Variants in YEATS2 observed in about 807,000 individuals in gnomAD.
YEATS2 encodes the protein YEATS domain containing 2, also known as YEATS domain-containing protein 2.
Under a neutral mutation model 163.2 loss-of-function variants are expected in YEATS2, and 77 were observed. The observed-to-expected ratio is 0.47, with a 90% confidence interval of 0.39 to 0.57. The LOEUF is 0.57. Among genes scored for constraint, YEATS2 ranks in the 20% least tolerant of loss-of-function variants. YEATS2 has a pLI of 0.00. For missense variants in YEATS2, 1,549 were observed against 1,729.8 expected (o/e 0.90, Z 1.85); for synonymous variants, 631 against 645.1 (o/e 0.98, Z 0.33).
chr3:183,777,723 C>A (rs1723135586), intron 19 of YEATS2, 23 bp downstream of exon 19: 3 of 1,599,262 alleles, frequency 1.9e-6, no homozygotes, highest in Non-Finnish European at 2.6e-6. Context: ...ATGCACACAC[C>A]CCAAATATGG....
chr3:183,707,265 C>A (rs1175600582), intron 1 of YEATS2, among the ~76,000 whole-genome samples: 1 of 152,200 alleles, frequency 6.6e-6, no homozygotes, highest in African/African-American at 2.4e-5. Context: ...CTATGATTCT[C>A]ATTTCTTTCA....
chr3:183,778,210 GAGAAAATTAAGGACCC>G (rs1303788172), intron 19 of YEATS2, among the ~76,000 whole-genome samples: 2 of 151,576 alleles, frequency 1.3e-5, no homozygotes, highest in Non-Finnish European at 2.9e-5. Flanking sequence ...TAAGTAGAAT[GAGAAAATTAAGGACCC>G]AGGTGTTATT....
intron 11 of YEATS2, among the ~76,000 whole-genome samples, chr3:183,756,282 T>TA (rs1421801245): frequency 4.6e-5 from 7 of 152,164 alleles, no homozygotes; most frequent in Non-Finnish European, 8.8e-5. Flanking sequence ...ATCTGTTTCT[T>TA]ACAATTTCCT....
intron 29 of YEATS2, chr3:183,808,722 G>A: frequency 5.5e-6 from 1 of 182,236 alleles, no homozygotes; most frequent in Non-Finnish European, 1.2e-5. Flanking sequence ...GGGCTTGGTG[G>A]CGCTCACCTG....
intron 13 of YEATS2, among the ~76,000 whole-genome samples, chr3:183,760,268 C>T (rs1387540972): frequency 6.7e-6 from 1 of 149,060 alleles, no homozygotes; most frequent in Non-Finnish European, 1.5e-5. Context: ...CAGATTACCT[C>T]TGAGATTTGC....
chr3:183,709,853 A>G (rs1715009396), intron 1 of YEATS2, among the ~76,000 whole-genome samples: 1 of 147,642 alleles, frequency 6.8e-6, no homozygotes, highest in East Asian at 2.0e-4. Context: ...AATTTTTTGT[A>G]TTTTTTTTAG....
At chr3:183,745,635 C>T (rs1321602557) in intron 8 of YEATS2, among the ~76,000 whole-genome samples, 2 of 152,124 alleles carry the variant, frequency 1.3e-5, no homozygotes, top group African/African-American at 4.8e-5. Context: ...ATATTAAATA[C>T]TCTAAATATT....
At chr3:183,748,294 G>T (rs1719780608) in intron 9 of YEATS2, among the ~76,000 whole-genome samples, 2 of 130,282 alleles carry the variant, frequency 1.5e-5, no homozygotes, top group African/African-American at 2.9e-5. Flanking sequence ...ACGCTCTGTT[G>T]CCCAGGCTGG....
chr3:183,809,326 TG>T, intron 30 of YEATS2, 156 bp downstream of exon 30: 2 of 705,884 alleles, frequency 2.8e-6, no homozygotes, highest in Non-Finnish European at 4.8e-6. Flanking sequence ...GGGTCTGCTT[TG>T]TCATTTTTAG....
intron 12 of YEATS2, among the ~76,000 whole-genome samples, chr3:183,757,528 C>T (rs1438885566): frequency 2.0e-5 from 3 of 152,052 alleles, no homozygotes; most frequent in African/African-American, 7.2e-5. Context: ...AATCCACCTG[C>T]CTCAGCCTCC....
intron 1 of YEATS2, among the ~76,000 whole-genome samples, chr3:183,710,010 A>T (rs34100322): frequency 4.6e-5 from 7 of 152,292 alleles, no homozygotes; most frequent in African/African-American, 1.7e-4. Context: ...GGAGAAATGG[A>T]TGACAGTAGT....
At chr3:183,703,676 G>A (rs1714338166) in intron 1 of YEATS2, among the ~76,000 whole-genome samples, 1 of 151,892 alleles carries the variant, frequency 6.6e-6, no homozygotes, top group Admixed American at 6.6e-5. Context: ...TTTTTGATAG[G>A]GCTTCTGCAT....
intron 10 of YEATS2, among the ~76,000 whole-genome samples, chr3:183,753,523 G>A (rs1047851396): frequency 3.2e-4 from 49 of 152,234 alleles, no homozygotes; most frequent in African/African-American, 9.6e-4. Context: ...TGAAACCATC[G>A]GATCACCTGA....
chr3:183,746,124 G>T (rs1162399006), intron 8 of YEATS2, among the ~76,000 whole-genome samples: 2 of 152,052 alleles, frequency 1.3e-5, no homozygotes, highest in Non-Finnish European at 2.9e-5. Flanking sequence ...GTGCAGTGGG[G>T]CGATCATGGC....
At chr3:183,708,062 A>G (rs7612556) in intron 1 of YEATS2, among the ~76,000 whole-genome samples, 72,770 of 151,740 alleles carry the variant, frequency 0.48, 19,882 homozygotes, top group African/African-American at 0.75. Context: ...GATGTGAGGC[A>G]CATAGAATTA....
chr3:183,729,186 G>C (rs1717443358), intron 7 of YEATS2, among the ~76,000 whole-genome samples: 1 of 151,944 alleles, frequency 6.6e-6, no homozygotes, highest in African/African-American at 2.4e-5. Context: ...GCAGGAGAAT[G>C]GCGTGAACCA....
At chr3:183,706,548 C>T (rs1439624945) in intron 1 of YEATS2, among the ~76,000 whole-genome samples, 1 of 152,160 alleles carries the variant, frequency 6.6e-6, no homozygotes, top group Non-Finnish European at 1.5e-5. Flanking sequence ...CTAACCTACA[C>T]TCTTATTAAG....
In YEATS2 at chr3:183,721,979, A is replaced by G. The variant is rs375812187; in HGVS notation, c.380A>G (p.Asn127Ser). The G allele has an allele frequency of 1.7e-5, 28 of 1,614,074 alleles. No homozygotes were observed. The highest frequency in any genetic ancestry group is 3.3e-5 in the South Asian group (3 of 91,092). Residue 127 changes from asparagine to serine, a missense_variant, in exon 5 of 31, where the codon AAT becomes AGT. Transcript: ENST00000305135. Reference protein sequence around the residue: ...ESPSRSSSPANQRAETPSANH... With the variant: ...ESPSRSSSPASQRAETPSANH... ...CCATCTAGGTCATCATCTCCTGCCA[A>G]TCAGAGAGCAGAAACACCATCAGCC...
chr3:183,732,661 G>A (rs1020449718), intron 7 of YEATS2, among the ~76,000 whole-genome samples: 1 of 151,554 alleles, frequency 6.6e-6, no homozygotes. Flanking sequence ...CCGGGTTCAC[G>A]CCGTTCTCCT....
Sources: gnomAD v4.1 joint callset for allele counts (sites outside exome capture counted in the v4.1 genomes callset) on GRCh38, gnomAD v4.1.1 for gene constraint, MANE v1.5 for transcripts, NCBI Gene and HGNC (gene_info 2026-07-23, HGNC 2026-07-21) for gene names.